MACROD2: variants seen among roughly 807,000 people sequenced by gnomAD.
MACROD2 encodes mono-ADP ribosylhydrolase 2, also known as ADP-ribose glycohydrolase MACROD2.
Under a neutral mutation model 70.4 loss-of-function variants are expected in MACROD2, and 36 were observed. The observed-to-expected ratio is 0.51, with a 90% CI of 0.39 to 0.68. The LOEUF (loss-of-function observed/expected upper bound fraction) is 0.68. Ranked by LOEUF, MACROD2 falls within the 30% of genes least tolerant of loss-of-function variation. MACROD2 has a pLI of 0.00. For synonymous variants in MACROD2, 172 were observed against 178.8 expected (o/e 0.96, Z 0.30); for missense variants, 496 against 538.4 (o/e 0.92, Z 0.78).
chr20:14,603,532 A>T (rs112561292), intron 4 of MACROD2, among the ~76,000 whole-genome samples: 38 of 152,338 alleles, frequency 2.5e-4, no homozygotes, highest in African/African-American at 8.2e-4. Context: ...TTTTTATTAA[A>T]TAGGTTCTTC....
At chr20:14,472,899 T>C (rs998667645) in intron 3 of MACROD2, among the ~76,000 whole-genome samples, 17 of 151,984 alleles carry the variant, frequency 1.1e-4, no homozygotes, top group African/African-American at 4.1e-4. Flanking sequence ...TGTGGGACTG[T>C]GTGTGTGGTC....
intron 5 of MACROD2, among the ~76,000 whole-genome samples, chr20:14,974,524 G>C (rs1253863315): frequency 2.0e-5 from 3 of 152,132 alleles, no homozygotes. Flanking sequence ...TCCTAGTGCA[G>C]TATCTGGGCC....
chr20:14,331,930 C>T (rs547004021), intron 3 of MACROD2, among the ~76,000 whole-genome samples: 6 of 152,196 alleles, frequency 3.9e-5, no homozygotes, highest in East Asian at 1.9e-4. Flanking sequence ...TTCTGTCCGC[C>T]TAGGCTTGAA....
intron 3 of MACROD2, among the ~76,000 whole-genome samples, chr20:14,436,639 T>C (rs1254431694): frequency 2.0e-5 from 3 of 152,174 alleles, no homozygotes; most frequent in Admixed American, 6.5e-5. Flanking sequence ...GTATGTGACA[T>C]GTAGTGGGTT....
At chr20:14,162,665 C>CT (rs1344940162) in intron 3 of MACROD2, among the ~76,000 whole-genome samples, 1 of 151,152 alleles carries the variant, frequency 6.6e-6, no homozygotes, top group African/African-American at 2.4e-5. Context: ...TCTGTTTTAT[C>CT]TAAGTATAGC....
At chr20:14,513,802 C>A (rs547174361) in intron 4 of MACROD2, among the ~76,000 whole-genome samples, 1 of 151,984 alleles carries the variant, frequency 6.6e-6, no homozygotes, top group Non-Finnish European at 1.5e-5. Flanking sequence ...CTCAAATAAT[C>A]TCTATCTCCT....
intron 2 of MACROD2, among the ~76,000 whole-genome samples, chr20:14,033,267 C>T (rs1037005976): frequency 6.6e-6 from 1 of 151,722 alleles, no homozygotes; most frequent in East Asian, 1.9e-4. Context: ...TTTCTAGATT[C>T]TTTATTTCAT....
At chr20:15,606,729 G>A (rs963769439) in intron 8 of MACROD2, among the ~76,000 whole-genome samples, 22 of 152,162 alleles carry the variant, frequency 1.4e-4, no homozygotes, top group African/African-American at 4.3e-4. Flanking sequence ...CTGGCTAGGC[G>A]CAGTGGCTCA....
chr20:14,228,201 T>TGC lies in MACROD2; in HGVS notation c.271+142474_271+142475insCG, dbSNP rs1449330221. ...GAGAGAGAGAGAGAGAGAGTGTGTG[T>TGC]GTGCGTGTGTAGACAATAAAGCAAG... On this transcript the variant is annotated intron_variant, in intron 3 of 17. Transcript: ENST00000684519. Among the ~76,000 whole-genome samples the TGC allele has an allele frequency of 2.6e-3, 394 of 151,878 alleles. 1 individual carries two copies. Among genetic ancestry groups the TGC allele is most frequent in the South Asian group, 5.8e-3 (28 of 4,814 alleles).
chr20:14,175,494 A>G (rs959452619), intron 3 of MACROD2, among the ~76,000 whole-genome samples: 2 of 152,044 alleles, frequency 1.3e-5, no homozygotes, highest in African/African-American at 2.4e-5. Context: ...TTTATTTTGT[A>G]TATGAGTCGG....
At chr20:15,894,085 T>C (rs2064932765) in intron 10 of MACROD2, 1 of 377,388 alleles carries the variant, frequency 2.6e-6, no homozygotes, top group African/African-American at 2.1e-5. Flanking sequence ...CCACAGGGGT[T>C]CTCAACAGTG....
chr20:15,718,718 C>T (rs748652934), intron 8 of MACROD2, among the ~76,000 whole-genome samples: 1 of 152,174 alleles, frequency 6.6e-6, no homozygotes, highest in Non-Finnish European at 1.5e-5. Context: ...AATCAGCAGT[C>T]TCCATCTTAG....
chr20:15,038,114 T>C (rs2075328222), intron 5 of MACROD2, among the ~76,000 whole-genome samples: 1 of 152,228 alleles, frequency 6.6e-6, no homozygotes, highest in African/African-American at 2.4e-5. Flanking sequence ...ATAATGTATT[T>C]AATGTGCTTA....
At position 15,248,836 on chromosome 20, in the gene MACROD2, C is replaced by A. The variant is rs539846398; in HGVS notation, c.540+18775C>A. On this transcript the variant is annotated intron_variant, in intron 6 of 17. Coordinates refer to ENST00000684519, the MANE Select transcript of MACROD2 (RefSeq NM_001351661.2). ...GCAGTCCTGTAGACACCCCCTCCCC[C>A]ACAAGAACTCTCATATCCTTTGTCT... 5.3e-5 allele frequency among the ~76,000 whole-genome samples: 8 copies of A among 152,176 alleles called. No individual in the cohort carries two copies. The East Asian group carries it at 9.7e-4, about 18-fold the overall frequency.
At chr20:15,254,317 G>GT (rs2077180270) in intron 6 of MACROD2, among the ~76,000 whole-genome samples, 1 of 152,032 alleles carries the variant, frequency 6.6e-6, no homozygotes, top group Non-Finnish European at 1.5e-5. Flanking sequence ...AAATCAAAGC[G>GT]TATCAGCCAG....
chr20:14,111,610 G>T (rs1195123013), intron 3 of MACROD2, among the ~76,000 whole-genome samples: 2 of 151,974 alleles, frequency 1.3e-5, no homozygotes, highest in South Asian at 2.1e-4. Context: ...ATGAAAAGGT[G>T]TTCAGCATCA....
intron 5 of MACROD2, among the ~76,000 whole-genome samples, chr20:14,792,242 A>G (rs2072459443): frequency 1.3e-5 from 2 of 152,100 alleles, no homozygotes; most frequent in South Asian, 4.1e-4. Flanking sequence ...ATTAATTGTG[A>G]ATATAAGACT....
intron 5 of MACROD2, among the ~76,000 whole-genome samples, chr20:15,064,884 A>G (rs1013919980): frequency 6.6e-6 from 1 of 152,182 alleles, no homozygotes; most frequent in Non-Finnish European, 1.5e-5. Flanking sequence ...AGCCTGAGTG[A>G]TGCTGGCATG....
At chr20:15,932,819 G>A (rs544423956) in intron 10 of MACROD2, among the ~76,000 whole-genome samples, 1 of 152,268 alleles carries the variant, frequency 6.6e-6, no homozygotes. Flanking sequence ...TATAGCATAG[G>A]TATGTTAGAC....
Sources: gnomAD v4.1 joint callset for allele counts (sites outside exome capture counted in the v4.1 genomes callset) on GRCh38, gnomAD v4.1.1 for gene constraint, MANE v1.5 for transcripts, NCBI Gene and HGNC (gene_info 2026-07-23, HGNC 2026-07-21) for gene names.